Variants in TNS1 observed in about 807,000 individuals in gnomAD.
TNS1 encodes tensin-1.
TNS1 carries 62 observed loss-of-function variants against 168.6 expected under a neutral mutation model. The observed-to-expected ratio is 0.37, with a 90% CI of 0.30 to 0.45. The LOEUF is 0.45. Among genes scored for constraint, TNS1 ranks in the 20% least tolerant of loss-of-function variants. The pLI is 1.00. For synonymous variants in TNS1, 934 were observed against 933.2 expected (o/e 1.00, Z -0.02); for missense variants, 2,240 against 2,339.4 (o/e 0.96, Z 0.88).
intron 7 of TNS1, among the ~76,000 whole-genome samples, chr2:217,899,045 G>A (rs1435923784): frequency 3.3e-5 from 5 of 152,220 alleles, no homozygotes; most frequent in South Asian, 2.1e-4. Context: ...GGAGGGCAGC[G>A]AAAGGAATAC....
intron 32 of TNS1, 70 bp downstream of exon 32, chr2:217,808,005 T>G (rs1939512311): frequency 1.1e-5 from 17 of 1,577,528 alleles, no homozygotes; most frequent in Non-Finnish European, 1.5e-5. Flanking sequence ...TTTCTAAATG[T>G]GCCCCGTGCT....
upstream of TNS1, among the ~76,000 whole-genome samples, chr2:218,003,776 T>A: frequency 6.7e-6 from 1 of 148,672 alleles, no homozygotes; most frequent in Middle Eastern, 3.5e-3. Context: ...TTTCCCCACT[T>A]CCTCCCCCTC....
Position 217,804,305 on chromosome 2 carries a change from T to A in TNS1, c.*154A>T. ...CTCTCTCTCTTTTCCCCCTCCCCTC[T>A]GCAATTCACTTCCCTCTCCCCACGT... is the stretch of plus-strand genomic sequence containing the variant. On this transcript the variant is annotated 3_prime_UTR_variant, in exon 33 of 33. Coordinates refer to ENST00000682258, the MANE Select transcript of TNS1 (RefSeq NM_001387777.1). 7.0e-6 allele frequency: 5 copies of A among 709,982 alleles called. No individual in the cohort carries two copies. The highest frequency in any genetic ancestry group is 1.2e-5 in the Non-Finnish European group (5 of 427,916). The allele number at this position is 709,982 out of a possible 1,614,324, so 44.0% of individuals were successfully genotyped here. A position where few individuals can be genotyped will look rare whatever the true frequency, so the allele number is the denominator to read the frequency against.
Position 217,908,850 on chromosome 2 carries a change from C to T in TNS1, c.229-1599G>A, listed in dbSNP as rs141053044. On this transcript the variant is annotated intron_variant, in intron 4 of 32. Coordinates refer to ENST00000682258, the MANE Select transcript of TNS1 (RefSeq NM_001387777.1). ...GCCAACCCCTCCCACACCTCTCCTC[C>T]ACTATCCTCCCTGCTGCTAGGTACA... Among the ~76,000 whole-genome samples the T allele has an allele frequency of 5.9e-4, 90 of 152,246 alleles. 1 individual carries two copies. The highest frequency in any genetic ancestry group is 3.4e-3 in the Middle Eastern group (1 of 294).
chr2:217,885,337 A>T (rs1196544343), intron 15 of TNS1, among the ~76,000 whole-genome samples, 173 bp from the exon 16 acceptor site: 1 of 152,244 alleles, frequency 6.6e-6, no homozygotes, highest in African/African-American at 2.4e-5. Flanking sequence ...AAACTTCTAG[A>T]ACAGCAGAGA....
intron 16 of TNS1, among the ~76,000 whole-genome samples, chr2:217,883,076 G>A (rs1246752264): frequency 2.0e-5 from 3 of 150,920 alleles, no homozygotes; most frequent in African/African-American, 4.9e-5. Context: ...GTCTACAGGC[G>A]TGAGCCACCA....
chr2:217,816,072 G>A (rs1426093558), intron 24 of TNS1, among the ~76,000 whole-genome samples: 1 of 152,164 alleles, frequency 6.6e-6, no homozygotes, highest in Non-Finnish European at 1.5e-5. Flanking sequence ...CAGTCCAACT[G>A]CCTAATTTTA....
intron 4 of TNS1, among the ~76,000 whole-genome samples, chr2:217,917,124 G>A (rs1443849743): frequency 6.6e-6 from 1 of 152,172 alleles, no homozygotes; most frequent in Non-Finnish European, 1.5e-5. Context: ...CACTCCCCAG[G>A]GACAGTAGCA....
At chr2:217,903,043 G>A (rs905250915) in intron 6 of TNS1, among the ~76,000 whole-genome samples, 1 of 152,152 alleles carries the variant, frequency 6.6e-6, no homozygotes, top group South Asian at 2.1e-4. Context: ...CCTCACACGA[G>A]GCTAGAGATG....
chr2:217,809,221 A>G lies in TNS1; in HGVS notation c.5274-550T>C, dbSNP rs1213475242. Among the ~76,000 whole-genome samples, 14 of 70,450 alleles carry G rather than the reference A, an allele frequency of 2.0e-4. 1 individual carries two copies. The highest frequency in any genetic ancestry group is 5.4e-4 in the African/African-American group (8 of 14,738). 46.2% of individuals were successfully genotyped at this position (70,450 alleles called of 152,430 possible). ...GATGGATGGATGGATGGATGCATGG[A>G]TGGATGGATGGATGGATGGATGGAT... On this transcript the variant is annotated intron_variant, in intron 30 of 32. Coordinates refer to ENST00000682258, the MANE Select transcript of TNS1 (RefSeq NM_001387777.1).
chr2:217,818,501 C>T lies in TNS1; in HGVS notation c.3831G>A (p.Thr1277=), dbSNP rs751473636. The T allele has an allele frequency of 1.1e-5, 17 of 1,614,086 alleles. No individual in the cohort carries two copies. Among genetic ancestry groups the T allele is most frequent in the East Asian group, 2.2e-5 (1 of 44,888 alleles). ...GGCGCGCCTGAGGGCTCCCAGGCACCGTGTGGACGCCAGCCACACTGAACT... is the reference window on the plus strand; with the variant it reads ...GGCGCGCCTGAGGGCTCCCAGGCACTGTGTGGACGCCAGCCACACTGAACT... ...RAQFSVAGVH[T]VPGSPQARHR... The change falls in exon 24 of 33, where the codon ACG becomes ACA. Residue 1277 remains threonine, a synonymous_variant. Transcript: ENST00000682258.
chr2:217,811,497 G>C (rs1940894992), intron 28 of TNS1, among the ~76,000 whole-genome samples: 1 of 152,182 alleles, frequency 6.6e-6, no homozygotes, highest in East Asian at 1.9e-4. Context: ...AGCCCCAGGA[G>C]CTCCAAGAAA....
chr2:217,968,436 T>C (rs1304364066), intron 3 of TNS1, among the ~76,000 whole-genome samples: 1 of 152,204 alleles, frequency 6.6e-6, no homozygotes, highest in Non-Finnish European at 1.5e-5. Flanking sequence ...TACTGATGAT[T>C]GTAAGATAAA....
intron 3 of TNS1, among the ~76,000 whole-genome samples, chr2:217,929,608 C>T (rs1464800650): frequency 1.3e-5 from 2 of 152,246 alleles, no homozygotes; most frequent in African/African-American, 4.8e-5. Flanking sequence ...ATCCTGCCCA[C>T]ACTCGGCCAC....
intron 18 of TNS1, chr2:217,859,764 C>T (rs1948610132): frequency 7.6e-7 from 1 of 1,311,404 alleles, no homozygotes; most frequent in Admixed American, 2.0e-5. Context: ...ACCCTCGTTC[C>T]CAACCACCCA....
At chr2:217,840,370 A>G (rs1415854987) in intron 19 of TNS1, among the ~76,000 whole-genome samples, 3 of 152,216 alleles carry the variant, frequency 2.0e-5, no homozygotes, top group African/African-American at 7.2e-5. Flanking sequence ...TTCTCAAATG[A>G]ATTACTGTGA....
chr2:217,900,600 CATG>C (rs1205859253), intron 6 of TNS1, 88 bp from the exon 7 acceptor site: 1 of 1,335,602 alleles, frequency 7.5e-7, no homozygotes, highest in Non-Finnish European at 1.0e-6. Flanking sequence ...CGGGGGCAAA[CATG>C]ATCCTCTTCT....
In TNS1 at chr2:217,847,846, A is replaced by G. The variant is rs1331792751; in HGVS notation, c.2671T>C (p.Tyr891His). 6 of 1,588,290 alleles carry G rather than the reference A, an allele frequency of 3.8e-6. No individual in the cohort carries two copies. In the Admixed American group the frequency reaches 1.0e-4, roughly 27 times the overall value. ...CCCAACGAATGCCCACTGGGGATAT[A>G]GCCAGATCTGGACTGGGTCAGTGGA... Reference protein sequence around the residue: ...SHPLTQSRSGYIPSGHSLGTP... With the variant: ...SHPLTQSRSGHIPSGHSLGTP... The change falls in exon 19 of 33, where the codon TAT becomes CAT. Residue 891 changes from tyrosine to histidine, a missense_variant. Tyr to His is a moderately conservative substitution (Grantham distance 83, BLOSUM62 2). Transcript: ENST00000682258.
At position 217,880,824 on chromosome 2, in the gene TNS1, CA is replaced by C. The variant is rs1950606042; in HGVS notation, c.1429+73del. 3 of 1,191,748 alleles carry C rather than the reference CA, an allele frequency of 2.5e-6. No individual in the cohort carries two copies. The Admixed American group carries it at 5.2e-5, about 21-fold the overall frequency. The allele number at this position is 1,191,748 out of a possible 1,614,324, so 73.8% of individuals were successfully genotyped here. On this transcript the variant is annotated intron_variant, in intron 18 of 32. Transcript: ENST00000682258. This position sits in a 1 kb window ranked among gnomAD's most constrained non-coding sequence, Gnocchi z 4.2. ...GAACCCAGATCTCTTGAAAGCAGGCCAAGAGAAGCAAGGTCATGTGAGCAGA... is the reference window on the plus strand; with the variant it reads ...GAACCCAGATCTCTTGAAAGCAGGCCAGAGAAGCAAGGTCATGTGAGCAGA...
Sources: allele counts gnomAD v4.1 joint callset (sites outside exome capture counted in the v4.1 genomes callset), GRCh38; gene constraint gnomAD v4.1.1; non-coding constraint Gnocchi (gnomAD v3.1); transcripts MANE v1.5; gene names NCBI Gene and HGNC (gene_info 2026-07-23, HGNC 2026-07-21).